FAT4: variants seen among roughly 807,000 people sequenced by gnomAD.
The protein encoded by FAT4 is FAT atypical cadherin 4.
Under a neutral mutation model 303.9 loss-of-function variants are expected in FAT4, and 84 were observed. The observed-to-expected ratio is 0.28, with a 90% confidence interval of 0.23 to 0.33. FAT4 has a LOEUF of 0.33. FAT4 is among the 10% of genes least tolerant of loss of function. The probability of loss-of-function intolerance (pLI) is 1.00; values close to 1 mark genes in which losing one functional copy is unlikely to be tolerated. For synonymous variants in FAT4, 2,307 were observed against 2,298.8 expected (o/e 1.00, Z -0.10); for missense variants, 6,005 against 6,146.8 (o/e 0.98, Z 0.77).
intron 9 of FAT4, among the ~76,000 whole-genome samples, chr4:125,448,167 C>T (rs572894289): frequency 6.6e-5 from 10 of 152,094 alleles, no homozygotes; most frequent in East Asian, 3.9e-4. Flanking sequence ...GATTTTTGAA[C>T]GATTAGCAAG....
At chr4:125,471,302 A>G (rs996175088) in intron 12 of FAT4, among the ~76,000 whole-genome samples, 6 of 152,226 alleles carry the variant, frequency 3.9e-5, no homozygotes, top group Non-Finnish European at 7.3e-5. Context: ...CACAGTCACA[A>G]AGTAAGCACA....
At chr4:125,334,050 C>G (rs1287978770) in intron 2 of FAT4, among the ~76,000 whole-genome samples, 1 of 151,908 alleles carries the variant, frequency 6.6e-6, no homozygotes, top group Non-Finnish European at 1.5e-5. Flanking sequence ...ATGTGGCCCA[C>G]TCATATAACA....
chr4:125,383,069 G>C (rs981056004), intron 2 of FAT4, among the ~76,000 whole-genome samples: 1 of 152,080 alleles, frequency 6.6e-6, no homozygotes, highest in Non-Finnish European at 1.5e-5. Flanking sequence ...CAGCAATAAG[G>C]CTGTTTTGTT....
chr4:125,347,182 A>G (rs1732036596), intron 2 of FAT4, among the ~76,000 whole-genome samples: 1 of 150,852 alleles, frequency 6.6e-6, no homozygotes, highest in Admixed American at 6.6e-5. Context: ...TATATTACCA[A>G]TCATATGTTA....
chr4:125,320,154 C>T lies in FAT4; in HGVS notation c.3743C>T (p.Ser1248Phe), dbSNP rs759908537. ...DEGNNGLIHY[S>F]IIKGNEERQF... ...GGTAATAATGGACTTATTCACTATT[C>T]TATAATAAAAGGAAATGAAGAAAGA... is the stretch of plus-strand genomic sequence containing the variant. The change falls in exon 2 of 18, where the codon TCT becomes TTT. Residue 1248 changes from serine to phenylalanine, a missense_variant. Ser to Phe is a radical substitution (Grantham distance 155, BLOSUM62 -2). Coordinates refer to ENST00000394329, the MANE Select transcript of FAT4 (RefSeq NM_001291303.3). 1 of 1,613,870 alleles carries T rather than the reference C, an allele frequency of 6.2e-7. No homozygotes were observed. Among genetic ancestry groups the T allele is most frequent in the Admixed American group, 1.7e-5 (1 of 60,026 alleles).
intron 11 of FAT4, among the ~76,000 whole-genome samples, chr4:125,464,607 T>G (rs531038413): frequency 1.4e-4 from 21 of 152,160 alleles, no homozygotes; most frequent in Admixed American, 1.4e-3. Context: ...CCATGTTGGT[T>G]TGCTGCACCC....
intron 11 of FAT4, among the ~76,000 whole-genome samples, chr4:125,466,110 T>G (rs1294563625): frequency 6.6e-6 from 1 of 152,128 alleles, no homozygotes; most frequent in Non-Finnish European, 1.5e-5. Context: ...TTCAAAAAAT[T>G]TTTTCGATAC....
chr4:125,324,389 T>C (rs1187676307), intron 2 of FAT4, among the ~76,000 whole-genome samples: 2 of 152,168 alleles, frequency 1.3e-5, no homozygotes, highest in East Asian at 1.9e-4. Context: ...GCATATTACC[T>C]GATGTATAGT....
intron 10 of FAT4, among the ~76,000 whole-genome samples, chr4:125,458,329 A>C (rs905023656): frequency 6.6e-6 from 1 of 152,006 alleles, no homozygotes; most frequent in Non-Finnish European, 1.5e-5. Context: ...TATGCATAGT[A>C]ATTTTACTGA....
intron 2 of FAT4, among the ~76,000 whole-genome samples, chr4:125,374,337 T>G (rs755651683): frequency 1.3e-5 from 2 of 152,190 alleles, no homozygotes; most frequent in Non-Finnish European, 2.9e-5. Context: ...GACAAGCAAA[T>G]GCCCCTATTT....
intron 10 of FAT4, among the ~76,000 whole-genome samples, chr4:125,457,960 A>G (rs1441799812): frequency 6.6e-6 from 1 of 152,090 alleles, no homozygotes; most frequent in Non-Finnish European, 1.5e-5. Flanking sequence ...ACATTTGTCT[A>G]CTGCTGCCAG....
At position 125,449,283 on chromosome 4, in the gene FAT4, C is replaced by T. The variant is rs765294063; in HGVS notation, c.8273C>T (p.Ser2758Leu). 1 of 1,613,900 alleles carries T rather than the reference C, an allele frequency of 6.2e-7. No individual in the cohort carries two copies. The highest frequency in any genetic ancestry group is 8.5e-7 in the Non-Finnish European group (1 of 1,179,906). ...AAAGGGTCCCCGTCTCAGAGTACTT[C>T]AGTAAAAGTCATGATTAACATTTTA... ...SDKGSPSQST[S>L]VKVMINILDE... The change falls in exon 10 of 18, where the codon TCA becomes TTA. Residue 2758 changes from serine (S) to leucine (L), a missense_variant. Physicochemically the swap from Ser to Leu is moderately radical, Grantham distance 145. Coordinates refer to ENST00000394329, the MANE Select transcript of FAT4 (RefSeq NM_001291303.3).
Position 125,415,818 on chromosome 4 carries a change from T to A in FAT4, c.6843+12T>A. The A allele has an allele frequency of 6.4e-7, 1 of 1,572,708 alleles. No homozygotes were observed. The highest frequency in any genetic ancestry group is 8.7e-7 in the Non-Finnish European group (1 of 1,154,022). ...GAACAATTCTTCAGGTCAGTATATT[T>A]AAATAAAGCAAGTATTGTCTTAATT... On this transcript the variant is annotated intron_variant, in intron 6 of 17. Transcript: ENST00000394329.
intron 2 of FAT4, among the ~76,000 whole-genome samples, chr4:125,351,527 A>G (rs1384851730): frequency 2.6e-5 from 4 of 151,706 alleles, no homozygotes; most frequent in Admixed American, 1.3e-4. Context: ...CTGTCTGCAA[A>G]ACTGAGTCTG....
rs754931963 is a variant in FAT4, at chr4:125,319,506, C to T, written c.3095C>T (p.Ala1032Val). ...DKDSGANGEI[A>V]YTIAEGNTGD... ...GATTCAGGAGCAAATGGTGAAATTG[C>T]ATACACCATTGCTGAAGGAAATACA... Residue 1032 changes from alanine (A) to valine (V), a missense_variant, in exon 2 of 18, where the codon GCA (alanine) becomes GTA (valine). Ala to Val is a moderately conservative substitution (Grantham distance 64). Coordinates refer to ENST00000394329, the MANE Select transcript of FAT4 (RefSeq NM_001291303.3). The T allele has an allele frequency of 2.2e-5, 35 of 1,613,126 alleles. No homozygotes were observed. The highest frequency in any genetic ancestry group is 2.5e-5 in the Non-Finnish European group (30 of 1,179,216).
chr4:125,469,239 T>C (rs1241019131), intron 12 of FAT4, among the ~76,000 whole-genome samples: 3 of 152,188 alleles, frequency 2.0e-5, no homozygotes, highest in South Asian at 4.1e-4. Flanking sequence ...ATGGTAACAA[T>C]AGTCTTAGCT....
intron 8 of FAT4, among the ~76,000 whole-genome samples, chr4:125,437,563 A>C (rs905957340): frequency 2.0e-5 from 3 of 152,226 alleles, no homozygotes; most frequent in Non-Finnish European, 4.4e-5. Flanking sequence ...ATTTCTGTCC[A>C]GGGTCATAAC....
At chr4:125,421,951 C>T (rs913683757) in intron 7 of FAT4, among the ~76,000 whole-genome samples, 6 of 151,968 alleles carry the variant, frequency 3.9e-5, no homozygotes, top group African/African-American at 1.2e-4. Context: ...ATTGCTGACT[C>T]TCTCCATGAA....
intron 6 of FAT4, among the ~76,000 whole-genome samples, chr4:125,416,065 A>G (rs563131655): frequency 4.7e-4 from 72 of 152,274 alleles, no homozygotes; most frequent in African/African-American, 1.6e-3. Context: ...ACATTTATGT[A>G]TTTGTGTTTT....
Sources: allele counts gnomAD v4.1 joint callset (sites outside exome capture counted in the v4.1 genomes callset), GRCh38; gene constraint gnomAD v4.1.1; transcripts MANE v1.5; gene names NCBI Gene and HGNC (gene_info 2026-07-23, HGNC 2026-07-21).